SNRNP200: variants seen among roughly 807,000 people sequenced by gnomAD.
SNRNP200 encodes the protein small nuclear ribonucleoprotein U5 subunit 200, also known as U5 small nuclear ribonucleoprotein 200 kDa helicase.
SNRNP200 carries 66 observed loss-of-function variants against 255.2 expected under a neutral mutation model. That is an observed-to-expected ratio of 0.26 (90% CI 0.21 to 0.32). The LOEUF (loss-of-function observed/expected upper bound fraction) is 0.32. Ranked by LOEUF, SNRNP200 falls within the 10% of genes least tolerant of loss-of-function variation. SNRNP200 has a pLI of 1.00. For missense variants in SNRNP200, 1,585 were observed against 2,749.8 expected (o/e 0.58, Z 9.47); for synonymous variants, 939 against 1,027.8 (o/e 0.91, Z 1.65).
intron 2 of SNRNP200, 92 bp from the exon 3 acceptor site, chr2:96,303,422 G>A: frequency 1.4e-6 from 2 of 1,450,114 alleles, no homozygotes; most frequent in Non-Finnish European, 1.9e-6. Context: ...TCAGCTTCAT[G>A]GCAAGAAGTT....
intron 5 of SNRNP200, 129 bp downstream of exon 5, chr2:96,300,860 TAATGCCCAA>T (rs1191689257): frequency 2.7e-6 from 2 of 728,134 alleles, no homozygotes; most frequent in African/African-American, 3.6e-5. Flanking sequence ...AAAGAACATA[TAATGCCCAA>T]GTCTGAAACC....
At position 96,281,999 on chromosome 2, in the gene SNRNP200, C is replaced by T. The variant is rs559097048; in HGVS notation, c.4916-77G>A. 27 of 1,103,686 alleles carry T rather than the reference C, an allele frequency of 2.4e-5. No homozygotes were observed. In the East Asian group the frequency reaches 2.9e-4, roughly 12 times the overall value. 68.4% of individuals were successfully genotyped at this position (1,103,686 alleles called of 1,614,324 possible). A position where few individuals can be genotyped will look rare whatever the true frequency, so the allele number is the denominator to read the frequency against. On this transcript the variant is annotated intron_variant, in intron 34 of 44. Transcript: ENST00000323853. ...TAGGCTCACTGCCTCATGGGCAGGC[C>T]GTGGCTTACCCTGTGCTATGTTTCA...
Position 96,287,993 on chromosome 2 carries a change from A to G in SNRNP200, c.3259-24T>C. The G allele has an allele frequency of 6.2e-7, 1 of 1,607,054 alleles. No homozygotes were observed. The highest frequency in any genetic ancestry group is 8.5e-7 in the Non-Finnish European group (1 of 1,173,690). On this transcript the variant is annotated intron_variant, in intron 24 of 44. Coordinates refer to ENST00000323853, the MANE Select transcript of SNRNP200 (RefSeq NM_014014.5). This position sits in a 1 kb window ranked among gnomAD's most constrained non-coding sequence, Gnocchi z 5.7. ...GACTAAGCAAAGAAGCAGCATTCCC[A>G]CTGTTAAGTCTCGACTATCCCCAGG...
At position 96,293,419 on chromosome 2, in the gene SNRNP200, C is replaced by A. The variant is rs1352199657; in HGVS notation, c.1933G>T (p.Asp645Tyr). ...GCACTGAGACCAATGAGTCGGACAT[C>A]CTCTTGGGTCATCTCAATGTTTCGG... ...AIRNIEMTQE[D>Y]VRLIGLSATL... The change falls in exon 15 of 45, where the codon GAT becomes TAT. Residue 645 changes from aspartate to tyrosine, a missense_variant. Physicochemically the swap from Asp to Tyr is radical, Grantham distance 160 (BLOSUM62 -3). Transcript: ENST00000323853. The A allele has an allele frequency of 6.2e-7, 1 of 1,613,630 alleles. No homozygotes were observed. Among genetic ancestry groups the A allele is most frequent in the African/African-American group, 1.3e-5 (1 of 74,928 alleles).
rs765293971 is a variant in SNRNP200 at position 96,281,815 on chromosome 2, C to T, written c.5023G>A (p.Ala1675Thr). ...ACACAGAGCACCAGTTGTACTCACG[C>T]GTGGATCTTGCCATTGTAGTACTGG... Reference protein sequence around the residue: ...DTQYYNGKIHAYVDYPIYDVL... With the variant: ...DTQYYNGKIHTYVDYPIYDVL... Residue 1675 changes from alanine (A) to threonine (T), a missense_variant and splice_region_variant, in exon 35 of 45, where the codon GCC becomes ACC. Physicochemically the swap from Ala to Thr is moderately conservative, Grantham distance 58 (BLOSUM62 0). Transcript: ENST00000323853. 1.1e-5 allele frequency: 17 copies of T among 1,609,218 alleles called. No homozygotes were observed. Among genetic ancestry groups the T allele is most frequent in the African/African-American group, 4.0e-5 (3 of 74,940 alleles).
intron 16 of SNRNP200, 122 bp from the exon 17 acceptor site, chr2:96,292,022 A>T: frequency 9.2e-7 from 1 of 1,087,340 alleles, no homozygotes; most frequent in Non-Finnish European, 1.4e-6. Flanking sequence ...GGGCAAGGGC[A>T]GGAATGTGTG....
Position 96,278,779 on chromosome 2 carries a change from A to G in SNRNP200, c.5323+30T>C. ...CAGCAAAGACTGTGAGAACCACCAA[A>G]GGATCACGTGTGCTCCCAAGCCCAC... On this transcript the variant is annotated intron_variant, in intron 37 of 44. Transcript: ENST00000323853. The surrounding 1 kb of genome is among the most constrained non-coding windows in gnomAD (Gnocchi z 6.9). 1.2e-6 allele frequency: 2 copies of G among 1,614,184 alleles called. No homozygotes were observed. Among genetic ancestry groups the G allele is most frequent in the East Asian group, 4.5e-5 (2 of 44,884 alleles).
intron 34 of SNRNP200, chr2:96,282,264 A>G (rs147256955): frequency 5.9e-5 from 19 of 320,692 alleles, no homozygotes; most frequent in African/African-American, 3.8e-4. Context: ...CCATGCCAGC[A>G]AAACAGAGAT....
intron 21 of SNRNP200, 30 bp from the exon 22 acceptor site, chr2:96,289,409 T>C (rs772300728): frequency 2.0e-5 from 32 of 1,611,620 alleles, no homozygotes; most frequent in Non-Finnish European, 2.6e-5. Context: ...AATCCAGTGC[T>C]GACTATTAAT....
intron 35 of SNRNP200, among the ~76,000 whole-genome samples, chr2:96,280,262 T>G (rs2104334853): frequency 6.6e-6 from 1 of 152,280 alleles, no homozygotes; most frequent in Non-Finnish European, 1.5e-5. Flanking sequence ...TTTGGGAGGC[T>G]GAGGTGGGTG....
rs1684679070 is a variant in SNRNP200 at position 96,277,084 on chromosome 2, C to T, written c.6089G>A (p.Arg2030His). 3.7e-6 allele frequency: 6 copies of T among 1,614,206 alleles called. No homozygotes were observed. The highest frequency in any genetic ancestry group is 2.2e-5 in the East Asian group (1 of 44,886). The change falls in exon 42 of 45, where the codon CGC becomes CAC. Residue 2030 changes from arginine (R) to histidine (H), a missense_variant. By Grantham distance (29) the Arg-to-His change is conservative (BLOSUM62 0). Transcript: ENST00000323853. This position sits in a 1 kb window ranked among gnomAD's most constrained non-coding sequence, Gnocchi z 4.4. ...SYEVVDKDSI[R>H]SGGPVVVLVQ... Reference sequence around the variant, plus strand: ...ACAGGCACCACCTCTGGCTCACCTGCGGATGCTGTCCTTATCTACCACCTC... The same window carrying T: ...ACAGGCACCACCTCTGGCTCACCTGTGGATGCTGTCCTTATCTACCACCTC...
At chr2:96,288,791 A>C in intron 23 of SNRNP200, 45 bp from the exon 24 acceptor site, 1 of 1,506,318 alleles carries the variant, frequency 6.6e-7, no homozygotes, top group Non-Finnish European at 9.2e-7. Context: ...ATCACTGAAC[A>C]GTCCAAGAAA....
intron 43 of SNRNP200, 192 bp downstream of exon 43, chr2:96,276,712 G>C: frequency 4.2e-6 from 3 of 706,820 alleles, no homozygotes; most frequent in Non-Finnish European, 7.7e-6. Context: ...GAGCCACTGC[G>C]CCCGGCCCTA....
At chr2:96,296,805 C>G in intron 12 of SNRNP200, 114 bp from the exon 13 acceptor site, 1 of 1,515,994 alleles carries the variant, frequency 6.6e-7, no homozygotes, top group Non-Finnish European at 9.1e-7. Context: ...GCACTTTATC[C>G]TACTATTTAA....
chr2:96,274,702 TTTTAA>T lies in SNRNP200; in HGVS notation c.*305_*309del, dbSNP rs1684624750. ...TGCCCTCAGGTTGGAGAAAGAAAAC[TTTTAA>T]TTTGGAATCACTACAAAGACAAATG... On this transcript the variant is annotated 3_prime_UTR_variant, in exon 45 of 45. Coordinates refer to ENST00000323853, the MANE Select transcript of SNRNP200 (RefSeq NM_014014.5). The T allele has an allele frequency of 4.9e-6, 2 of 407,696 alleles. No individual in the cohort carries two copies. Among genetic ancestry groups the T allele is most frequent in the Admixed American group, 3.8e-5 (1 of 26,288 alleles). 25.3% of individuals were successfully genotyped at this position (407,696 alleles called of 1,614,324 possible).
chr2:96,304,945 G>A, intron 1 of SNRNP200, 77 bp from the exon 2 acceptor site: 1 of 1,521,952 alleles, frequency 6.6e-7, no homozygotes, highest in South Asian at 1.2e-5. Context: ...CCCAGCTGAT[G>A]GAAAAAATCG....
At position 96,287,679 on chromosome 2, in the gene SNRNP200, GAC is replaced by G; in HGVS notation, c.3366-124_3366-123del. ...AACACAGTCATTAAAGGCAGACACT[GAC>G]ACTGTGCCAGCCCTGGCCTCCACCA... On this transcript the variant is annotated intron_variant, in intron 25 of 44. Transcript: ENST00000323853. This position sits in a 1 kb window ranked among gnomAD's most constrained non-coding sequence, Gnocchi z 5.7. 1 of 937,594 alleles carries G rather than the reference GAC, an allele frequency of 1.1e-6. No homozygotes were observed. Among genetic ancestry groups the G allele is most frequent in the Non-Finnish European group, 1.8e-6 (1 of 564,276 alleles). 58.1% of individuals were successfully genotyped at this position (937,594 alleles called of 1,614,324 possible).
At chr2:96,275,219 A>G (rs1684634884) in intron 44 of SNRNP200, 38 bp downstream of exon 44, 1 of 1,614,000 alleles carries the variant, frequency 6.2e-7, no homozygotes, top group Non-Finnish European at 8.5e-7. Context: ...CCCTTCCCCC[A>G]TGCCAGAACA....
At position 96,290,610 on chromosome 2, in the gene SNRNP200, T is replaced by C; in HGVS notation, c.2553+74A>G. 6.2e-7 allele frequency: 1 copy of C among 1,612,924 alleles called. No homozygotes were observed. The highest frequency in any genetic ancestry group is 8.5e-7 in the Non-Finnish European group (1 of 1,178,916). ...TTACAGAACTAGACCTCTGATCTGCTAGCTTTCCAGCATCCCTGCATTTCA... is the reference window on the plus strand; with the variant it reads ...TTACAGAACTAGACCTCTGATCTGCCAGCTTTCCAGCATCCCTGCATTTCA... On this transcript the variant is annotated intron_variant, in intron 19 of 44. Transcript: ENST00000323853. This position sits in a 1 kb window ranked among gnomAD's most constrained non-coding sequence, Gnocchi z 4.5.
Sources: allele counts gnomAD v4.1 joint callset (sites outside exome capture counted in the v4.1 genomes callset), GRCh38; gene constraint gnomAD v4.1.1; non-coding constraint Gnocchi (gnomAD v3.1); transcripts MANE v1.5; gene names NCBI Gene and HGNC (gene_info 2026-07-23, HGNC 2026-07-21).